GRHPR: variants seen among roughly 807,000 people sequenced by gnomAD.
GRHPR encodes glyoxylate and hydroxypyruvate reductase.
In GRHPR, 35 loss-of-function variants were observed where a neutral mutation model predicts 36.8. That is an observed-to-expected ratio of 0.95 (90% confidence interval 0.73 to 1.26). GRHPR has a LOEUF of 1.26. GRHPR is among the 50% of genes most tolerant of loss of function. GRHPR has a pLI of 0.00. For synonymous variants in GRHPR, 179 were observed against 181.0 expected, an observed-to-expected ratio of 0.99 and a Z score of 0.09; for missense variants, 380 against 435.0, an observed-to-expected ratio of 0.87 and a Z score of 1.12.
intron 4 of GRHPR, chr9:37,427,837 CCAA>C (rs1823156584): frequency 1.5e-5 from 2 of 137,430 alleles, no homozygotes; most frequent in Non-Finnish European, 2.9e-5. Flanking sequence ...GACCCTGTCT[CCAA>C]AAAAAAAAAA....
Position 37,422,734 on chromosome 9 carries a change from C to A in GRHPR, c.-17C>A. The A allele has an allele frequency of 6.4e-7, 1 of 1,558,038 alleles. No homozygotes were observed. Among genetic ancestry groups the A allele is most frequent in the Non-Finnish European group, 8.7e-7 (1 of 1,149,514 alleles). On this transcript the variant is annotated 5_prime_UTR_variant, in exon 1 of 9. Coordinates refer to ENST00000318158, the MANE Select transcript of GRHPR (RefSeq NM_012203.2). ...AGCTTCTGTACTGCCAGGTCCGGGT[C>A]GGCGGCTGCACTGCGGATGAGACCG... is the stretch of plus-strand genomic sequence containing the variant.
In GRHPR at chr9:37,424,918, C is replaced by G. The variant is rs1823007556; in HGVS notation, c.157C>G (p.His53Asp). The G allele has an allele frequency of 6.2e-7, 1 of 1,612,254 alleles. No homozygotes were observed. The highest frequency in any genetic ancestry group is 1.3e-5 in the African/African-American group (1 of 74,936). ...KELERGVAGA[H>D]GLLCLLSDHV... ...GCTAGAGCGAGGTGTGGCGGGGGCC[C>G]ACGGCCTGCTCTGCCTCCTCTCCGA... The change falls in exon 2 of 9, where the codon CAC becomes GAC. Residue 53 changes from histidine (H) to aspartate (D), a missense_variant. Physicochemically the swap from His to Asp is moderately conservative, Grantham distance 81. Coordinates refer to ENST00000318158, the MANE Select transcript of GRHPR (RefSeq NM_012203.2).
At chr9:37,422,489 G>A (rs1447779430), upstream of GRHPR, among the ~76,000 whole-genome samples, 9 of 151,320 alleles carry the variant, frequency 5.9e-5, no homozygotes, top group South Asian at 1.5e-3. Flanking sequence ...CTCCCCCGGG[G>A]CCCTGATTCC....
rs1490402835 is a variant in GRHPR at position 37,428,575 on chromosome 9, G to A, written c.493+3G>A. On this transcript the variant is annotated splice_donor_region_variant and intron_variant, in intron 5 of 8. Transcript: ENST00000318158. ...CATCATCGGGCTGGGGCGCATAGGT[G>A]AGGCTCCCACCGGCCCGCTTGCCCG... The A allele has an allele frequency of 9.4e-6, 15 of 1,595,648 alleles. 1 individual carries two copies. The Middle Eastern group carries it at 5.0e-4, about 53-fold the overall frequency.
chr9:37,432,176 C>A, intron 8 of GRHPR, 38 bp downstream of exon 8: 1 of 1,605,896 alleles, frequency 6.2e-7, no homozygotes, highest in South Asian at 1.1e-5. Context: ...TCCCTGCTGC[C>A]CTGCAGGACC....
chr9:37,437,255 G>A (rs933911944), downstream of GRHPR, among the ~76,000 whole-genome samples: 3 of 152,094 alleles, frequency 2.0e-5, no homozygotes, highest in Non-Finnish European at 4.4e-5. Flanking sequence ...GCAAGACACC[G>A]TTTCAAAAAA....
chr9:37,426,022 G>C (rs754516050), intron 3 of GRHPR, 28 bp downstream of exon 3: 127 of 1,496,118 alleles, frequency 8.5e-5, no homozygotes, highest in Middle Eastern at 1.7e-4. Flanking sequence ...TCTGGAGGGG[G>C]CCTAGAGAGA....
downstream of GRHPR, among the ~76,000 whole-genome samples, chr9:37,437,501 A>G (rs977804832): frequency 2.0e-5 from 3 of 152,172 alleles, no homozygotes; most frequent in Admixed American, 6.5e-5. Context: ...CCATCAGGAA[A>G]ATTAAGGAGC....
chr9:37,426,686 A>T, intron 4 of GRHPR, 32 bp downstream of exon 4: 2 of 1,269,920 alleles, frequency 1.6e-6, no homozygotes, highest in Non-Finnish European at 2.3e-6. Flanking sequence ...GCGGTGGCTC[A>T]CGGCTGTAAT....
At chr9:37,436,419 A>C (rs1234425374) in intron 8 of GRHPR, among the ~76,000 whole-genome samples, 1 of 152,198 alleles carries the variant, frequency 6.6e-6, no homozygotes, top group Non-Finnish European at 1.5e-5. Context: ...CCTAGAATAC[A>C]AATCTTTCAT....
chr9:37,424,833 CT>C lies in GRHPR; in HGVS notation c.84-9del. ...GCTCCTGCTTCTCCTGAGGGCCTCC[CT>C]TTCCCCGCAGCTGTGAGGTGGAGCA... On this transcript the variant is annotated splice_polypyrimidine_tract_variant and intron_variant, in intron 1 of 8. Coordinates refer to ENST00000318158, the MANE Select transcript of GRHPR (RefSeq NM_012203.2). 6.2e-7 allele frequency: 1 copy of C among 1,612,608 alleles called. No homozygotes were observed. Among genetic ancestry groups the C allele is most frequent in the Non-Finnish European group, 8.5e-7 (1 of 1,179,714 alleles).
intron 1 of GRHPR, 96 bp downstream of exon 1, chr9:37,422,929 G>A: frequency 1.1e-6 from 1 of 906,318 alleles, no homozygotes; most frequent in Non-Finnish European, 1.7e-6. Flanking sequence ...GCTGGGGCAG[G>A]CTTGGAGTTT....
intron 8 of GRHPR, chr9:37,433,974 C>A (rs755403611): frequency 7.3e-5 from 28 of 382,970 alleles, no homozygotes; most frequent in Admixed American, 1.8e-4. Context: ...CCCCAGCCTG[C>A]AAGGAGCACT....
intron 8 of GRHPR, among the ~76,000 whole-genome samples, chr9:37,436,206 CCAAA>C (rs1222422154): frequency 1.3e-5 from 2 of 152,140 alleles, no homozygotes; most frequent in East Asian, 3.8e-4. Context: ...CCTCCCAGGC[CCAAA>C]CAATCCTTCT....
intron 8 of GRHPR, chr9:37,432,373 T>C (rs982548023): frequency 1.3e-5 from 6 of 466,420 alleles, no homozygotes; most frequent in Non-Finnish European, 1.6e-5. Context: ...TAGGTGTGAG[T>C]GGATTTGTTT....
At chr9:37,428,330 T>A in intron 4 of GRHPR, 154 bp from the exon 5 acceptor site, 183 of 595,324 alleles carry the variant, frequency 3.1e-4, no homozygotes, top group Middle Eastern at 1.5e-3. Context: ...GCTGCTCATC[T>A]GCAGTGCCGA....
chr9:37,430,198 G>A (rs966647730), intron 6 of GRHPR: 16 of 539,368 alleles, frequency 3.0e-5, no homozygotes, highest in South Asian at 1.2e-4. Flanking sequence ...CTTTGTGTGC[G>A]CCCCTTAGTC....
In GRHPR at chr9:37,430,538, C is replaced by T. The variant is rs375014308; in HGVS notation, c.626C>T (p.Ser209Phe). ...FVSTPELAAQSDFIVVACSLT... is the reference protein window; with the variant it reads ...FVSTPELAAQFDFIVVACSLT... ...TCTACCCCTGAGCTGGCTGCCCAAT[C>T]TGATTTCATCGTCGTGGCCTGCTCC... is the stretch of plus-strand genomic sequence containing the variant. Residue 209 changes from serine to phenylalanine, a missense_variant, in exon 7 of 9, where the codon TCT becomes TTT. Transcript: ENST00000318158. 7.4e-6 allele frequency: 12 copies of T among 1,613,754 alleles called. No individual in the cohort carries two copies. In the African/African-American group the frequency reaches 1.6e-4, roughly 22 times the overall value.
chr9:37,422,579 GCA>G, upstream of GRHPR: 2 of 653,854 alleles, frequency 3.1e-6, no homozygotes, highest in East Asian at 2.9e-5. Context: ...CCCCGAGCAC[GCA>G]CAGTCACCGC....
Sources: gnomAD v4.1 joint callset for allele counts (sites outside exome capture counted in the v4.1 genomes callset) on GRCh38, gnomAD v4.1.1 for gene constraint, MANE v1.5 for transcripts, NCBI Gene and HGNC (gene_info 2026-07-23, HGNC 2026-07-21) for gene names.